The following NXF1 variants were observed in gnomAD, a reference collection of about 807,000 sequenced individuals.
The protein encoded by NXF1 is mRNA export factor TAP.
A neutral mutation model predicts 92.4 loss-of-function variants in NXF1; 43 were observed. That is an observed-to-expected ratio of 0.47 (90% CI 0.36 to 0.60). The LOEUF is 0.60. NXF1 is among the 20% of genes least tolerant of loss of function. The pLI, the probability that NXF1 is intolerant of heterozygous loss-of-function variation, is 0.00. For synonymous variants in NXF1, 288 were observed against 292.2 expected (o/e 0.99, Z 0.15); for missense variants, 576 against 793.0 (o/e 0.73, Z 3.29).
chr11:62,797,976 C>A (rs889323825), intron 11 of NXF1, among the ~76,000 whole-genome samples: 9 of 151,708 alleles, frequency 5.9e-5, no homozygotes, highest in African/African-American at 2.2e-4. Flanking sequence ...TAAAAATACA[C>A]AAAGAAATTA....
At position 62,803,995 on chromosome 11, in the gene NXF1, G is replaced by A. The variant is rs532766834; in HGVS notation, c.29-17C>T. 1.6e-5 allele frequency: 25 copies of A among 1,610,164 alleles called. No homozygotes were observed. Among genetic ancestry groups the A allele is most frequent in the Admixed American group, 1.0e-4 (6 of 59,612 alleles). ...CATCGTGTTCTAGAGTTAGAAACAG[G>A]AACACAAATTAGAAGTAAGTAACTG... On this transcript the variant is annotated splice_polypyrimidine_tract_variant and intron_variant, in intron 1 of 20. Transcript: ENST00000294172.
At chr11:62,793,593 C>T (rs990151129) in intron 19 of NXF1, among the ~76,000 whole-genome samples, 7 of 152,044 alleles carry the variant, frequency 4.6e-5, no homozygotes, top group Admixed American at 1.3e-4. Flanking sequence ...GGGAGAATCA[C>T]CTGAGCCCTA....
chr11:62,800,053 A>C, intron 10 of NXF1: 1 of 1,162,168 alleles, frequency 8.6e-7, no homozygotes. Flanking sequence ...TGTACAAGAT[A>C]CCCTCTGGTT....
chr11:62,796,090 G>T lies in NXF1; in HGVS notation c.1437C>A (p.Phe479Leu). ...LPKTQHDVNS[F>L]VVDISAQTST... ...CTGTCTGGGCGCTTATGTCTACCACGAAGGAATTGACGTCGTGCTGGGTTT... is the reference window on the plus strand; with the variant it reads ...CTGTCTGGGCGCTTATGTCTACCACTAAGGAATTGACGTCGTGCTGGGTTT... Residue 479 changes from phenylalanine (F) to leucine (L), a missense_variant, in exon 16 of 21, where the codon TTC becomes TTA. Coordinates refer to ENST00000294172, the MANE Select transcript of NXF1 (RefSeq NM_006362.5). 1 of 1,613,386 alleles carries T rather than the reference G, an allele frequency of 6.2e-7. No individual in the cohort carries two copies. The highest frequency in any genetic ancestry group is 8.5e-7 in the Non-Finnish European group (1 of 1,179,932).
intron 10 of NXF1, chr11:62,799,481 C>T (rs1016313813): frequency 3.0e-6 from 3 of 985,852 alleles, no homozygotes; most frequent in Non-Finnish European, 3.6e-6. Flanking sequence ...CCATGCCCCA[C>T]CTCTGTTGCC....
intron 10 of NXF1, chr11:62,798,870 C>A (rs186397328): frequency 3.3e-6 from 4 of 1,227,492 alleles, no homozygotes; most frequent in Non-Finnish European, 4.1e-6. Context: ...TCCCTGCCCC[C>A]CTTACCTTCC....
chr11:62,803,105 C>T (rs1328512732), intron 3 of NXF1, among the ~76,000 whole-genome samples: 2 of 151,968 alleles, frequency 1.3e-5, no homozygotes, highest in South Asian at 2.1e-4. Context: ...CAGATCATGA[C>T]GTCAGGAGTT....
chr11:62,801,070 T>C (rs1454693007), intron 9 of NXF1, 24 bp downstream of exon 9: 3 of 1,571,656 alleles, frequency 1.9e-6, no homozygotes, highest in Non-Finnish European at 1.8e-6. Flanking sequence ...CCTTCAAAAA[T>C]ATAGCCGAGC....
In NXF1 at chr11:62,801,401, G is replaced by A. The variant is rs548938607; in HGVS notation, c.726C>T (p.Asn242=). The change falls in exon 8 of 21, where the codon AAC becomes AAT. Residue 242 remains asparagine, a synonymous_variant. Transcript: ENST00000294172. Reference sequence around the variant, plus strand: ...TTCTGCGATTCAGGACAACGTCAATGTTCTGGGCCACCAAATCTTCAGGAA... The same window carrying A: ...TTCTGCGATTCAGGACAACGTCAATATTCTGGGCCACCAAATCTTCAGGAA... ...LRSDPDLVAQ[N]IDVVLNRRSC... 1 of 1,614,116 alleles carries A rather than the reference G, an allele frequency of 6.2e-7. No homozygotes were observed. The highest frequency in any genetic ancestry group is 1.1e-5 in the South Asian group (1 of 91,084).
rs751311479 is a variant in NXF1, at chr11:62,798,619, G to A, written c.1017-44C>T. On this transcript the variant is annotated intron_variant, in intron 10 of 20. Coordinates refer to ENST00000294172, the MANE Select transcript of NXF1 (RefSeq NM_006362.5). The stretch of plus-strand genomic sequence containing the variant: ...AAGTGAGTGATGCTTCAGAGCCACC[G>A]TGCCTCCTGGGCTGCTCTAGGAGCA... 7.4e-6 allele frequency: 12 copies of A among 1,612,516 alleles called. No individual in the cohort carries two copies. In the African/African-American group the frequency reaches 1.1e-4, roughly 14 times the overall value.
At chr11:62,794,637 C>T (rs1162733658) in intron 18 of NXF1, 197 bp from the exon 19 acceptor site, 9 of 594,046 alleles carry the variant, frequency 1.5e-5, no homozygotes, top group South Asian at 6.7e-5. Context: ...GTTCTCCCAA[C>T]GCATGGACTT....
At chr11:62,792,840 C>T (rs1239438806) in intron 19 of NXF1, 139 bp from the exon 20 acceptor site, 11 of 688,700 alleles carry the variant, frequency 1.6e-5, no homozygotes, top group South Asian at 3.7e-5. Context: ...ACAAATGAGA[C>T]ATTAGTAAAA....
chr11:62,794,765 G>A (rs1306970452), intron 18 of NXF1, 170 bp downstream of exon 18: 6 of 635,638 alleles, frequency 9.4e-6, no homozygotes, highest in East Asian at 2.8e-5. Flanking sequence ...AAACCCAGAC[G>A]GTACAATTCC....
In NXF1 at chr11:62,799,268, C is replaced by A. The variant is rs114397144; in HGVS notation, c.1017-693G>T. On this transcript the variant is annotated intron_variant, in intron 10 of 20. Transcript: ENST00000294172. Reference sequence around the variant, plus strand: ...ACCCTGACACAGCCCTTTCTTTCAGCTGCCCCATCCCTGTGGTCCAAGGTA... The same window carrying A: ...ACCCTGACACAGCCCTTTCTTTCAGATGCCCCATCCCTGTGGTCCAAGGTA... The A allele has an allele frequency of 1.7e-3, 1,656 of 985,612 alleles. 21 individuals carry two copies. The African/African-American group carries it at 0.027, about 16-fold the overall frequency. 61.1% of individuals were successfully genotyped at this position (985,612 alleles called of 1,614,324 possible).
chr11:62,795,822 TGG>T lies in NXF1; in HGVS notation c.1504+77_1504+78del. On this transcript the variant is annotated intron_variant, in intron 17 of 20. Transcript: ENST00000294172. ...AAAAGAAAATGGGAGAGAAAGTAGC[TGG>T]GAAGCTAAGAGTGCTGAGGAAAATT... 3 of 1,335,536 alleles carry T rather than the reference TGG, an allele frequency of 2.2e-6. No individual in the cohort carries two copies. In the South Asian group the frequency reaches 3.5e-5, roughly 16 times the overall value. The allele number at this position is 1,335,536 out of a possible 1,614,324, so 82.7% of individuals were successfully genotyped here. A position where few individuals can be genotyped will look rare whatever the true frequency, so the allele number is the denominator to read the frequency against.
chr11:62,798,804 G>T, intron 10 of NXF1: 1 of 1,354,544 alleles, frequency 7.4e-7, no homozygotes, highest in Non-Finnish European at 9.5e-7. Flanking sequence ...GCCTGACCCT[G>T]AGTGTCAAGG....
At chr11:62,795,835 G>C in intron 17 of NXF1, 66 bp downstream of exon 17, 1 of 1,437,312 alleles carries the variant, frequency 7.0e-7, no homozygotes, top group Non-Finnish European at 9.8e-7. Context: ...GAAGCTAAGA[G>C]TGCTGAGGAA....
At position 62,805,440 on chromosome 11, in the gene NXF1, T is replaced by G. The variant is rs1199711935; in HGVS notation, c.-84A>C. The G allele has an allele frequency of 6.3e-7, 1 of 1,583,552 alleles. No homozygotes were observed. Among genetic ancestry groups the G allele is most frequent in the Non-Finnish European group, 8.6e-7 (1 of 1,160,770 alleles). On this transcript the variant is annotated 5_prime_UTR_variant, in exon 1 of 21. Coordinates refer to ENST00000294172, the MANE Select transcript of NXF1 (RefSeq NM_006362.5). ...AACTCCCAAGCGCTCAGGACCGAAG[T>G]GTCCCTACGCCGGGCGCCACCGCAT...
At chr11:62,800,066 A>G (rs2084461761) in intron 10 of NXF1, 1 of 1,213,412 alleles carries the variant, frequency 8.2e-7, no homozygotes, top group Non-Finnish European at 1.0e-6. Flanking sequence ...CTCTGGTTAG[A>G]GTAGAAAGGG....
Sources: gnomAD v4.1 joint callset for allele counts (sites outside exome capture counted in the v4.1 genomes callset) on GRCh38, gnomAD v4.1.1 for gene constraint, MANE v1.5 for transcripts, NCBI Gene and HGNC (gene_info 2026-07-23, HGNC 2026-07-21) for gene names.